The following ST6GALNAC4 variants were observed in gnomAD, a reference collection of about 807,000 sequenced individuals.
The protein encoded by ST6GALNAC4 is ST6 N-acetylgalactosaminide alpha-2,6-sialyltransferase 4, also known as alpha-N-acetyl-neuraminyl-2,3-beta-galactosyl-1,3-N-acetyl-galactosaminide alpha-2,6-sialyltransferase.
Under a neutral mutation model 30.4 loss-of-function variants are expected in ST6GALNAC4, and 24 were observed. That is an observed-to-expected ratio of 0.79 (90% CI 0.57 to 1.11). ST6GALNAC4 has a LOEUF of 1.11. Ranked by LOEUF, ST6GALNAC4 falls within the 50% of genes most tolerant of loss-of-function variation. The pLI is 0.00. For synonymous variants in ST6GALNAC4, 156 were observed against 179.7 expected, an observed-to-expected ratio of 0.87 and a Z score of 1.05; for missense variants, 365 against 430.1, an observed-to-expected ratio of 0.85 and a Z score of 1.34.
intron 3 of ST6GALNAC4, among the ~76,000 whole-genome samples, chr9:127,913,372 G>T (rs1314566170): frequency 6.8e-6 from 1 of 147,670 alleles, no homozygotes; most frequent in Admixed American, 6.8e-5. Context: ...ATCACCTGAG[G>T]TCAGGAGTTC....
Position 127,916,831 on chromosome 9 carries a change from T to C in ST6GALNAC4, c.-81A>G. On this transcript the variant is annotated 5_prime_UTR_variant, in exon 1 of 6. Coordinates refer to ENST00000335791, the MANE Select transcript of ST6GALNAC4 (RefSeq NM_175039.4). ...TTCCACCCCATCCATCCTACCTCTCTACCCGGGGGACGAATGGAGAGGCCG... is the reference window on the plus strand; with the variant it reads ...TTCCACCCCATCCATCCTACCTCTCCACCCGGGGGACGAATGGAGAGGCCG... 1 of 236,836 alleles carries C rather than the reference T, an allele frequency of 4.2e-6. No homozygotes were observed. Among genetic ancestry groups the C allele is most frequent in the East Asian group, 9.5e-5 (1 of 10,478 alleles). 14.7% of individuals were successfully genotyped at this position (236,836 alleles called of 1,614,324 possible).
chr9:127,916,503 A>G lies in ST6GALNAC4; in HGVS notation c.-75-9T>C. On this transcript the variant is annotated splice_polypyrimidine_tract_variant and intron_variant, in intron 1 of 5. Coordinates refer to ENST00000335791, the MANE Select transcript of ST6GALNAC4 (RefSeq NM_175039.4). ...GGGTGGGAGCCGGGCACCTGCCAAG[A>G]CCCAGAAACTCAGAGCCGGGAGGGG... 1 of 1,561,466 alleles carries G rather than the reference A, an allele frequency of 6.4e-7. No homozygotes were observed. Among genetic ancestry groups the G allele is most frequent in the Non-Finnish European group, 8.8e-7 (1 of 1,132,942 alleles).
At chr9:127,908,729 G>A (rs1830999826) in intron 5 of ST6GALNAC4, 148 bp from the exon 6 acceptor site, 7 of 599,746 alleles carry the variant, frequency 1.2e-5, no homozygotes, top group East Asian at 3.3e-5. Flanking sequence ...ACATAGGGGA[G>A]TAGCAGATCC....
At chr9:127,912,198 G>T in intron 4 of ST6GALNAC4, 70 bp downstream of exon 4, 1 of 1,544,766 alleles carries the variant, frequency 6.5e-7, no homozygotes, top group Non-Finnish European at 8.7e-7. Flanking sequence ...GCCCCTGATG[G>T]ACAAGAGACT....
chr9:127,912,831 G>T, intron 3 of ST6GALNAC4, 151 bp from the exon 4 acceptor site: 4 of 945,830 alleles, frequency 4.2e-6, no homozygotes, highest in Non-Finnish European at 6.1e-6. Flanking sequence ...GGGCAGCAGG[G>T]ATGACTTTCC....
chr9:127,915,040 A>C (rs920931358), intron 2 of ST6GALNAC4, among the ~76,000 whole-genome samples, 199 bp from the exon 3 acceptor site: 7 of 152,210 alleles, frequency 4.6e-5, no homozygotes, highest in South Asian at 2.1e-4. Flanking sequence ...CCCGGAGATA[A>C]CACTGTTATC....
intron 4 of ST6GALNAC4, among the ~76,000 whole-genome samples, chr9:127,911,585 C>T (rs574050187): frequency 7.2e-5 from 11 of 152,286 alleles, no homozygotes; most frequent in South Asian, 2.1e-4. Flanking sequence ...CAGGTTCAAA[C>T]GATTCTCCTG....
rs868019637 is a variant in ST6GALNAC4, at chr9:127,916,977, A to G, written c.-227T>C. On this transcript the variant is annotated 5_prime_UTR_variant, in exon 1 of 6. Transcript: ENST00000335791. Reference sequence around the variant, plus strand: ...AGGAGGCTCGCGATCCGCCGCTCGGAGCTCCATGGCCCCCGGGCCGGGCCG... The same window carrying G: ...AGGAGGCTCGCGATCCGCCGCTCGGGGCTCCATGGCCCCCGGGCCGGGCCG... 6.4e-6 allele frequency: 1 copy of G among 156,212 alleles called. No individual in the cohort carries two copies. The highest frequency in any genetic ancestry group is 6.2e-5 in the Admixed American group (1 of 16,112). 9.7% of individuals were successfully genotyped at this position (156,212 alleles called of 1,614,324 possible).
rs147798490 is a variant in ST6GALNAC4, at chr9:127,909,250, G to A, written c.720-669C>T. Among the ~76,000 whole-genome samples the A allele has an allele frequency of 7.9e-3, 1,202 of 152,076 alleles. 15 individuals are homozygous for A. Among genetic ancestry groups the A allele is most frequent in the African/African-American group, 0.027 (1,117 of 41,502 alleles). ...TAAAACTACAAAAAATTAGCTGGGC[G>A]TGGTGGCACGTGCCTGTAATCCCAG... On this transcript the variant is annotated intron_variant, in intron 5 of 5. Coordinates refer to ENST00000335791, the MANE Select transcript of ST6GALNAC4 (RefSeq NM_175039.4).
chr9:127,911,748 G>T (rs1309826237), intron 4 of ST6GALNAC4, among the ~76,000 whole-genome samples: 2 of 152,042 alleles, frequency 1.3e-5, no homozygotes, highest in Non-Finnish European at 2.9e-5. Context: ...GCCTCCCAAA[G>T]TGCTCGGATT....
Position 127,910,078 on chromosome 9 carries a change from AG to A in ST6GALNAC4, c.612-21del, listed in dbSNP as rs746460657. On this transcript the variant is annotated intron_variant, in intron 4 of 5. Coordinates refer to ENST00000335791, the MANE Select transcript of ST6GALNAC4 (RefSeq NM_175039.4). ...TGCCTCCTGGGGGTGGCGGGGGGAC[AG>A]GGGGACGCTGTCAACAAGAGGCCAT... The A allele has an allele frequency of 6.2e-6, 10 of 1,607,822 alleles. No individual in the cohort carries two copies. In the South Asian group the frequency reaches 8.8e-5, roughly 14 times the overall value.
At chr9:127,910,628 G>C in intron 4 of ST6GALNAC4, 1 of 988,020 alleles carries the variant, frequency 1.0e-6, no homozygotes. Context: ...CAAGGGGCTA[G>C]GTGGTGGCCC....
At chr9:127,916,322 G>A in intron 2 of ST6GALNAC4, 86 bp downstream of exon 2, 3 of 1,580,270 alleles carry the variant, frequency 1.9e-6, no homozygotes, top group Non-Finnish European at 1.7e-6. Context: ...AGAAGTGGCA[G>A]TGGGTCCTGG....
At position 127,912,583 on chromosome 9, in the gene ST6GALNAC4, C is replaced by T. The variant is rs760185811; in HGVS notation, c.296G>A (p.Cys99Tyr). Residue 99 changes from cysteine to tyrosine, a missense_variant, in exon 4 of 6, where the codon TGC becomes TAC. Cys to Tyr is a radical substitution (Grantham distance 194). Transcript: ENST00000335791. ...GGGCGCCTGGTTCATGCGGAACACGCACTCGGCACTGTCGATCTCAGCACC... is the reference window on the plus strand; with the variant it reads ...GGGCGCCTGGTTCATGCGGAACACGTACTCGGCACTGTCGATCTCAGCACC... The part of the protein sequence containing the change: ...GLGAEIDSAE[C>Y]VFRMNQAPTV... The T allele has an allele frequency of 6.2e-7, 1 of 1,611,586 alleles. No individual in the cohort carries two copies. Among genetic ancestry groups the T allele is most frequent in the Non-Finnish European group, 8.5e-7 (1 of 1,179,862 alleles).
intron 3 of ST6GALNAC4, 91 bp downstream of exon 3, chr9:127,914,565 G>C (rs1237518415): frequency 4.8e-6 from 5 of 1,045,138 alleles, no homozygotes; most frequent in Non-Finnish European, 6.4e-6. Flanking sequence ...GGATCACATG[G>C]CTGGTGAGTA....
Position 127,912,694 on chromosome 9 carries a change from A to C in ST6GALNAC4, c.199-14T>G. On this transcript the variant is annotated splice_polypyrimidine_tract_variant and intron_variant, in intron 3 of 5. Coordinates refer to ENST00000335791, the MANE Select transcript of ST6GALNAC4 (RefSeq NM_175039.4). ...GCGGACCAGCGGCTGCAGGGCAGGC[A>C]GGGAGAAAGAGACAGAGAGGCATGA... is the stretch of plus-strand genomic sequence containing the variant. 1 of 1,547,742 alleles carries C rather than the reference A, an allele frequency of 6.5e-7. No individual in the cohort carries two copies.
At chr9:127,916,175 G>T (rs777888670) in intron 2 of ST6GALNAC4, 13 of 598,648 alleles carry the variant, frequency 2.2e-5, no homozygotes, top group African/African-American at 3.7e-5. Context: ...AGCTCGTAGC[G>T]TTACCTCCGT....
intron 3 of ST6GALNAC4, 35 bp downstream of exon 3, chr9:127,914,621 C>T: frequency 6.5e-7 from 1 of 1,537,616 alleles, no homozygotes; most frequent in South Asian, 1.2e-5. Flanking sequence ...CCAGCTCTCA[C>T]TACCCACCCC....
At chr9:127,914,884 G>A (rs1470593366) in intron 2 of ST6GALNAC4, 43 bp from the exon 3 acceptor site, 6 of 1,419,432 alleles carry the variant, frequency 4.2e-6, no homozygotes, top group Non-Finnish European at 4.6e-6. Flanking sequence ...GTGGGGAGGG[G>A]CTCCCAGAAG....
Sources: gnomAD v4.1 joint callset for allele counts (sites outside exome capture counted in the v4.1 genomes callset) on GRCh38, gnomAD v4.1.1 for gene constraint, MANE v1.5 for transcripts, NCBI Gene and HGNC (gene_info 2026-07-23, HGNC 2026-07-21) for gene names.